Variants in ATF7 observed in about 807,000 individuals in gnomAD.
The protein encoded by ATF7 is cyclic AMP-dependent transcription factor ATF-7.
ATF7 carries 10 observed loss-of-function variants against 50.4 expected under a neutral mutation model. The ratio of observed to expected loss-of-function variants is 0.20; its 90% CI spans 0.12 to 0.34. ATF7 has a LOEUF of 0.34. Ranked by LOEUF, ATF7 falls within the 10% of genes least tolerant of loss-of-function variation. The probability of loss-of-function intolerance (pLI) is 1.00; values close to 1 mark genes in which losing one functional copy is unlikely to be tolerated. For missense variants in ATF7, 465 were observed against 613.9 expected, an observed-to-expected ratio of 0.76 and a Z score of 2.56; for synonymous variants, 201 against 226.4, an observed-to-expected ratio of 0.89 and a Z score of 1.01.
intron 2 of ATF7, among the ~76,000 whole-genome samples, chr12:53,568,142 C>T (rs964329662): frequency 6.6e-6 from 1 of 152,132 alleles, no homozygotes; most frequent in South Asian, 2.1e-4. Context: ...CCTGATAATA[C>T]AGGAGTTTTA....
intron 3 of ATF7, among the ~76,000 whole-genome samples, chr12:53,549,312 AC>A (rs916199359): frequency 5.4e-5 from 8 of 148,072 alleles, no homozygotes; most frequent in Admixed American, 2.0e-4. Context: ...AGAAAAAAAT[AC>A]CCCCCAAAAC....
chr12:53,570,487 T>A (rs1290782361), intron 2 of ATF7, among the ~76,000 whole-genome samples: 1 of 152,192 alleles, frequency 6.6e-6, no homozygotes, highest in African/African-American at 2.4e-5. Flanking sequence ...TCAACCATAG[T>A]ATAGTAGGCC....
chr12:53,565,058 C>T (rs1941372956), intron 2 of ATF7, among the ~76,000 whole-genome samples: 1 of 152,072 alleles, frequency 6.6e-6, no homozygotes, highest in Non-Finnish European at 1.5e-5. Flanking sequence ...AGTTTTAAGC[C>T]CTCAGCCATA....
At chr12:53,526,714 G>A (rs1938492884) in intron 9 of ATF7, among the ~76,000 whole-genome samples, 1 of 151,460 alleles carries the variant, frequency 6.6e-6, no homozygotes, top group African/African-American at 2.4e-5. Context: ...AGCCAGGTGT[G>A]GTGGCAGGCG....
chr12:53,578,510 G>A (rs928923553), intron 2 of ATF7, among the ~76,000 whole-genome samples: 8 of 151,840 alleles, frequency 5.3e-5, no homozygotes, highest in South Asian at 2.1e-4. Context: ...AGCTAGGCAC[G>A]GTGGCTCATG....
chr12:53,561,508 G>T (rs1174610372), intron 2 of ATF7, among the ~76,000 whole-genome samples: 2 of 152,154 alleles, frequency 1.3e-5, no homozygotes, highest in Admixed American at 6.5e-5. Flanking sequence ...TGGAAGATCT[G>T]TAAAAGTCTT....
At chr12:53,529,745 G>GT (rs1170251902) in intron 9 of ATF7, among the ~76,000 whole-genome samples, 266 of 58,592 alleles carry the variant, frequency 4.5e-3, no homozygotes, top group South Asian at 0.016. Context: ...ATATATATAT[G>GT]TTTTTTTTTT....
In ATF7 at chr12:53,528,064, A is replaced by G. The variant is rs373968040; in HGVS notation, c.928-3303T>C. Among the ~76,000 whole-genome samples, 13 of 151,708 alleles carry G rather than the reference A, an allele frequency of 8.6e-5. No homozygotes were observed. In the East Asian group the frequency reaches 2.4e-3, roughly 28 times the overall value. On this transcript the variant is annotated intron_variant, in intron 9 of 11. Transcript: ENST00000420353. ...CACCGTGTTAGCCAGGATGGTCTTG[A>G]TCTCCTAACCTTGGGATCCACCCGC...
rs1012959328 is a variant in ATF7 at position 53,512,734 on chromosome 12, G to C, written c.*4403C>G. On this transcript the variant is annotated 3_prime_UTR_variant, in exon 12 of 12. Coordinates refer to ENST00000420353, the MANE Select transcript of ATF7 (RefSeq NM_006856.3). ...ATCTAGCTTTTGAGATCAGTGATAT[G>C]ATGGGGAAGACTTTAAAGGGAATGG... The C allele has an allele frequency of 9.8e-5, 15 of 152,342 alleles. No homozygotes were observed. Among genetic ancestry groups the C allele is most frequent in the Middle Eastern group, 3.4e-3 (1 of 294 alleles). The allele number at this position is 152,342 out of a possible 1,614,324, so 9.4% of individuals were successfully genotyped here. A position where few individuals can be genotyped will look rare whatever the true frequency, so the allele number is the denominator to read the frequency against.
chr12:53,530,562 T>C (rs1938803977), intron 9 of ATF7, among the ~76,000 whole-genome samples: 1 of 151,138 alleles, frequency 6.6e-6, no homozygotes, highest in Non-Finnish European at 1.5e-5. Flanking sequence ...TGTCTTATTT[T>C]TTTATATTTT....
intron 2 of ATF7, among the ~76,000 whole-genome samples, chr12:53,561,892 T>C (rs1305674341): frequency 6.6e-6 from 1 of 152,130 alleles, no homozygotes; most frequent in African/African-American, 2.4e-5. Flanking sequence ...ACATAATTTA[T>C]AGAGGAAAAA....
chr12:53,600,770 A>C (rs763130528), intron 2 of ATF7, 183 bp downstream of exon 2: 177 of 558,626 alleles, frequency 3.2e-4, no homozygotes, highest in Non-Finnish European at 5.2e-4. Flanking sequence ...ACAGCAAGGC[A>C]GATTTCATTA....
At chr12:53,537,578 G>A (rs1228871174) in intron 4 of ATF7, 26 bp from the exon 5 acceptor site, 3 of 1,610,646 alleles carry the variant, frequency 1.9e-6, no homozygotes, top group East Asian at 4.5e-5. Context: ...AATGAACAGA[G>A]TTTAACCCTA....
At chr12:53,527,322 A>G (rs1938539744) in intron 9 of ATF7, among the ~76,000 whole-genome samples, 1 of 151,936 alleles carries the variant, frequency 6.6e-6, no homozygotes, top group African/African-American at 2.4e-5. Context: ...CGTTTCTACA[A>G]ATAAATAAAA....
intron 4 of ATF7, 28 bp downstream of exon 4, chr12:53,543,302 G>GT (rs769377214): frequency 1.2e-5 from 19 of 1,559,674 alleles, no homozygotes; most frequent in Non-Finnish European, 1.7e-5. Flanking sequence ...AATACCACCA[G>GT]TTTTTTGGCA....
intron 1 of ATF7, among the ~76,000 whole-genome samples, chr12:53,616,222 T>C (rs748135515): frequency 6.6e-6 from 1 of 152,134 alleles, no homozygotes; most frequent in Non-Finnish European, 1.5e-5. Flanking sequence ...CTCCCGTTAG[T>C]TTACTTTTGG....
intron 9 of ATF7, among the ~76,000 whole-genome samples, chr12:53,530,509 T>C (rs6580949): frequency 0.55 from 83,527 of 151,974 alleles, 23,750 homozygotes; most frequent in East Asian, 0.96. Flanking sequence ...TTTAGTTTCT[T>C]TGTGATAAAA....
intron 4 of ATF7, chr12:53,542,952 G>A: frequency 9.1e-7 from 1 of 1,098,962 alleles, no homozygotes; most frequent in Non-Finnish European, 1.1e-6. Flanking sequence ...TGAGAAGTCT[G>A]ATCAGCTCAG....
At chr12:53,547,283 C>CTTTTTT (rs34610513) in intron 3 of ATF7, among the ~76,000 whole-genome samples, 6 of 62,554 alleles carry the variant, frequency 9.6e-5, no homozygotes, top group Admixed American at 2.3e-4. Context: ...CGTGCCCAGC[C>CTTTTTT]TTTTTTTTTT....
Sources: allele counts gnomAD v4.1 joint callset (sites outside exome capture counted in the v4.1 genomes callset), GRCh38; gene constraint gnomAD v4.1.1; transcripts MANE v1.5; gene names NCBI Gene and HGNC (gene_info 2026-07-23, HGNC 2026-07-21).